The following CADPS2 variants were observed in gnomAD, a reference collection of about 807,000 sequenced individuals.
CADPS2 encodes the protein calcium dependent secretion activator 2.
Under a neutral mutation model 172.5 loss-of-function variants are expected in CADPS2, and 93 were observed. That is an observed-to-expected ratio of 0.54 (90% CI 0.46 to 0.64). CADPS2 has a LOEUF of 0.64. Ranked by LOEUF, CADPS2 falls within the 30% of genes least tolerant of loss-of-function variation. The pLI, the probability that CADPS2 is intolerant of heterozygous loss-of-function variation, is 0.00. For synonymous variants in CADPS2, 546 were observed against 555.2 expected (o/e 0.98, Z 0.23); for missense variants, 1,420 against 1,565.9 (o/e 0.91, Z 1.57).
chr7:122,664,686 T>C (rs1322466564), intron 2 of CADPS2, among the ~76,000 whole-genome samples: 2 of 152,248 alleles, frequency 1.3e-5, no homozygotes, highest in Non-Finnish European at 2.9e-5. Flanking sequence ...CTTTCTATGA[T>C]GTCAAAAGAC....
chr7:122,529,998 C>CT (rs2061620215), intron 8 of CADPS2, among the ~76,000 whole-genome samples: 2 of 152,124 alleles, frequency 1.3e-5, no homozygotes, highest in South Asian at 4.2e-4. Context: ...ACTTTAGACT[C>CT]TATAAGACAT....
chr7:122,377,560 GA>G (rs1395851499), intron 25 of CADPS2, among the ~76,000 whole-genome samples: 2 of 152,108 alleles, frequency 1.3e-5, no homozygotes, highest in Non-Finnish European at 2.9e-5. Flanking sequence ...GTTATATCTG[GA>G]TAAAATTTCC....
chr7:122,704,019 A>G lies in CADPS2; in HGVS notation c.453+32936T>C, dbSNP rs529299172. Among the ~76,000 whole-genome samples the G allele has an allele frequency of 2.2e-4, 34 of 152,152 alleles. 2 individuals are homozygous for G. The highest frequency in any genetic ancestry group is 8.2e-4 in the African/African-American group (34 of 41,516). ...AGGAGCCAATAAATTGGCAACACCCACTCAAAAATTTATTTTCTATCATGT... is the reference window on the plus strand; with the variant it reads ...AGGAGCCAATAAATTGGCAACACCCGCTCAAAAATTTATTTTCTATCATGT... On this transcript the variant is annotated intron_variant, in intron 2 of 29. Coordinates refer to ENST00000449022, the MANE Select transcript of CADPS2 (RefSeq NM_017954.11).
At chr7:122,503,658 T>G (rs898741411) in intron 9 of CADPS2, among the ~76,000 whole-genome samples, 7 of 152,318 alleles carry the variant, frequency 4.6e-5, no homozygotes, top group Admixed American at 2.6e-4. Flanking sequence ...TAGTTTCTTG[T>G]GTATTTATAA....
chr7:122,527,416 TAAA>T (rs5887096), intron 8 of CADPS2, among the ~76,000 whole-genome samples: 87 of 145,454 alleles, frequency 6.0e-4, no homozygotes, highest in Middle Eastern at 3.6e-3. Context: ...ACTAATATGC[TAAA>T]AAAAAAAAAA....
At chr7:122,828,567 A>C (rs551092387) in intron 1 of CADPS2, among the ~76,000 whole-genome samples, 1 of 152,342 alleles carries the variant, frequency 6.6e-6, no homozygotes, top group East Asian at 1.9e-4. Context: ...TAAATCAAAT[A>C]TAATTTATAA....
At chr7:122,490,426 C>A in intron 10 of CADPS2, 145 bp from the exon 11 acceptor site, 4 of 641,204 alleles carry the variant, frequency 6.2e-6, no homozygotes, top group South Asian at 4.1e-5. Context: ...AGGATCAAAT[C>A]CACAATCAAA....
At chr7:122,542,429 T>C (rs1436540692) in intron 8 of CADPS2, among the ~76,000 whole-genome samples, 2 of 152,196 alleles carry the variant, frequency 1.3e-5, no homozygotes, top group Admixed American at 1.3e-4. Context: ...CATGGTTTTC[T>C]ATAACTAAGT....
chr7:122,333,429 T>C (rs957675067), intron 28 of CADPS2, among the ~76,000 whole-genome samples: 7 of 152,198 alleles, frequency 4.6e-5, no homozygotes, highest in African/African-American at 7.2e-5. Context: ...GCTACCTTTC[T>C]GTCTCTGAGT....
chr7:122,599,321 G>A (rs111916762), intron 6 of CADPS2, among the ~76,000 whole-genome samples: 274 of 152,066 alleles, frequency 1.8e-3, no homozygotes, highest in African/African-American at 6.2e-3. Flanking sequence ...CCAGAGAGAG[G>A]CTCCTGAAAT....
intron 9 of CADPS2, among the ~76,000 whole-genome samples, chr7:122,503,474 T>A (rs2130524465): frequency 6.6e-6 from 1 of 152,278 alleles, no homozygotes; most frequent in African/African-American, 2.4e-5. Flanking sequence ...GATGAAAGAC[T>A]TAGGAGGATG....
intron 24 of CADPS2, 64 bp downstream of exon 24, chr7:122,386,962 A>G: frequency 6.7e-7 from 1 of 1,496,874 alleles, no homozygotes; most frequent in Non-Finnish European, 9.0e-7. Context: ...TGCCTTGTGG[A>G]AAGGGCATTT....
At chr7:122,853,825 G>A (rs1216912602) in intron 1 of CADPS2, among the ~76,000 whole-genome samples, 2 of 152,184 alleles carry the variant, frequency 1.3e-5, no homozygotes, top group Non-Finnish European at 1.5e-5. Context: ...GCGGATGTGG[G>A]GAAGGGAGCA....
At chr7:122,703,072 C>G (rs1200051847) in intron 2 of CADPS2, 1 of 236,470 alleles carries the variant, frequency 4.2e-6, no homozygotes, top group Non-Finnish European at 8.2e-6. Context: ...TCCTGAAATC[C>G]TATTGGCCAA....
chr7:122,594,776 C>A (rs568222770), intron 6 of CADPS2, among the ~76,000 whole-genome samples: 11 of 151,666 alleles, frequency 7.3e-5, no homozygotes, highest in African/African-American at 2.2e-4. Flanking sequence ...CACATCTTGG[C>A]TTACAATTTT....
rs1432576908 is a variant in CADPS2, at chr7:122,645,795, T to C, written c.787-16467A>G. Among the ~76,000 whole-genome samples, 10 of 148,190 alleles carry C rather than the reference T, an allele frequency of 6.7e-5. No homozygotes were observed. In the East Asian group the frequency reaches 1.8e-3, roughly 26 times the overall value. On this transcript the variant is annotated intron_variant, in intron 3 of 29. Coordinates refer to ENST00000449022, the MANE Select transcript of CADPS2 (RefSeq NM_017954.11). Reference sequence around the variant, plus strand: ...CCCCCTGCTATATATATGAGATATATATAAACATGAAGATATATATATGTA... The same window carrying C: ...CCCCCTGCTATATATATGAGATATACATAAACATGAAGATATATATATGTA...
At chr7:122,410,876 T>C (rs1334276191) in intron 19 of CADPS2, among the ~76,000 whole-genome samples, 1 of 152,244 alleles carries the variant, frequency 6.6e-6, no homozygotes, top group East Asian at 1.9e-4. Flanking sequence ...AAACATCATC[T>C]TACTTAGTCC....
intron 15 of CADPS2, among the ~76,000 whole-genome samples, chr7:122,447,543 ATTTTTTTTTTTT>A (rs1159112244): frequency 6.7e-5 from 6 of 89,768 alleles, no homozygotes; most frequent in East Asian, 7.7e-4. Flanking sequence ...GTTTCGGGGA[ATTTTTTTTTTTT>A]TTTTTTTTTT....
At chr7:122,361,241 TTTTTTA>T (rs2040090366) in intron 25 of CADPS2, among the ~76,000 whole-genome samples, 1 of 137,352 alleles carries the variant, frequency 7.3e-6, no homozygotes, top group Non-Finnish European at 1.6e-5. Context: ...TTTTTTTTTT[TTTTTTA>T]AAATGAGATG....
Sources: gnomAD v4.1 joint callset for allele counts (sites outside exome capture counted in the v4.1 genomes callset) on GRCh38, gnomAD v4.1.1 for gene constraint, MANE v1.5 for transcripts, NCBI Gene and HGNC (gene_info 2026-07-23, HGNC 2026-07-21) for gene names.